ELMO1: variants seen among roughly 807,000 people sequenced by gnomAD.
The protein encoded by ELMO1 is engulfment and cell motility protein 1.
A neutral mutation model predicts 98.9 loss-of-function variants in ELMO1; 26 were observed. The observed-to-expected ratio is 0.26, with a 90% CI of 0.19 to 0.36. ELMO1 has a LOEUF of 0.36. ELMO1 is among the 10% of genes least tolerant of loss of function. The probability of loss-of-function intolerance (pLI) is 1.00; values close to 1 mark genes in which losing one functional copy is unlikely to be tolerated. For missense variants in ELMO1, 627 were observed against 935.2 expected, an observed-to-expected ratio of 0.67 and a Z score of 4.30; for synonymous variants, 346 against 346.0, an observed-to-expected ratio of 1.00 and a Z score of 0.00.
intron 17 of ELMO1, among the ~76,000 whole-genome samples, chr7:36,890,062 T>C (rs1368443014): frequency 2.6e-5 from 4 of 152,124 alleles, no homozygotes; most frequent in Non-Finnish European, 5.9e-5. Flanking sequence ...CCCTCTGGGG[T>C]AAGCCAGGTA....
rs1802116353 is a variant in ELMO1, at chr7:36,855,326, G to C, written c.*225C>G. 7 of 574,780 alleles carry C rather than the reference G, an allele frequency of 1.2e-5. No individual in the cohort carries two copies. The highest frequency in any genetic ancestry group is 1.2e-4 in the South Asian group (6 of 50,096). The allele number at this position is 574,780 out of a possible 1,614,324, so 35.6% of individuals were successfully genotyped here. A position where few individuals can be genotyped will look rare whatever the true frequency, so the allele number is the denominator to read the frequency against. On this transcript the variant is annotated 3_prime_UTR_variant, in exon 22 of 22. Transcript: ENST00000310758. The surrounding 1 kb of genome is among the most constrained non-coding windows in gnomAD (Gnocchi z 4.2). ...GTCCCACCAGTGGACTGCAGCCATGGGAAGTGACCTGAAGCAGTGGAGCCG... is the reference window on the plus strand; with the variant it reads ...GTCCCACCAGTGGACTGCAGCCATGCGAAGTGACCTGAAGCAGTGGAGCCG...
chr7:37,105,479 T>C (rs890287975), intron 14 of ELMO1, among the ~76,000 whole-genome samples: 1 of 152,186 alleles, frequency 6.6e-6, no homozygotes, highest in Non-Finnish European at 1.5e-5. Flanking sequence ...TTTAAAGCAA[T>C]AGTTCTCTAA....
At chr7:37,290,296 A>G (rs964759965) in intron 4 of ELMO1, among the ~76,000 whole-genome samples, 1 of 152,252 alleles carries the variant, frequency 6.6e-6, no homozygotes, top group African/African-American at 2.4e-5. Context: ...ACATTAGCTG[A>G]TGTAAAAGGA....
intron 13 of ELMO1, among the ~76,000 whole-genome samples, chr7:37,166,742 A>T (rs192579230): frequency 6.6e-6 from 1 of 152,224 alleles, no homozygotes; most frequent in East Asian, 1.9e-4. Flanking sequence ...TTTGATGAGG[A>T]GAGCTTTACT....
intron 1 of ELMO1, among the ~76,000 whole-genome samples, chr7:37,360,515 A>C (rs1801662438): frequency 6.6e-6 from 1 of 152,166 alleles, no homozygotes; most frequent in Non-Finnish European, 1.5e-5. Context: ...CACTTAAAAG[A>C]CAAAACTCTA....
In ELMO1 at chr7:36,988,525, A is replaced by G. The variant is rs561791780; in HGVS notation, c.1437+24774T>C. ...GCAGACTCTAATAGAGGAGGCAAAA[A>G]TATTAAGCATAACTGTGATATGGAG... On this transcript the variant is annotated intron_variant, in intron 16 of 21. Transcript: ENST00000310758. 3.9e-5 allele frequency among the ~76,000 whole-genome samples: 6 copies of G among 152,358 alleles called. No individual in the cohort carries two copies. In the South Asian group the frequency reaches 1.2e-3, roughly 32 times the overall value.
chr7:36,894,427 A>G (rs1805812329), intron 17 of ELMO1, among the ~76,000 whole-genome samples: 1 of 152,216 alleles, frequency 6.6e-6, no homozygotes, highest in Non-Finnish European at 1.5e-5. Flanking sequence ...CCACTCATTT[A>G]GATTCATGCT....
intron 16 of ELMO1, among the ~76,000 whole-genome samples, chr7:37,005,691 T>TC (rs1554389507): frequency 2.2e-5 from 1 of 46,216 alleles, no homozygotes; most frequent in Non-Finnish European, 3.8e-5. Context: ...AGACTCTGTC[T>TC]CAAAAAAAAA....
At chr7:37,108,099 C>T (rs1167297117) in intron 14 of ELMO1, among the ~76,000 whole-genome samples, 1 of 152,128 alleles carries the variant, frequency 6.6e-6, no homozygotes, top group African/African-American at 2.4e-5. Flanking sequence ...GAAATTAGGC[C>T]ATAAGTTGTT....
At chr7:37,234,918 T>C (rs150879525) in intron 7 of ELMO1, among the ~76,000 whole-genome samples, 3 of 152,072 alleles carry the variant, frequency 2.0e-5, no homozygotes, top group Admixed American at 2.0e-4. Flanking sequence ...AACTAGAAAA[T>C]GAAAACAAAA....
At chr7:37,417,684 A>ACACACACACACACAC (rs765287929) in intron 1 of ELMO1, among the ~76,000 whole-genome samples, 1 of 113,386 alleles carries the variant, frequency 8.8e-6, no homozygotes, top group Non-Finnish European at 2.1e-5. Context: ...ACACACACAC[A>ACACACACACACACAC]AGCAAAAATT....
chr7:37,023,880 T>C (rs1316540799), intron 15 of ELMO1, among the ~76,000 whole-genome samples: 1 of 152,152 alleles, frequency 6.6e-6, no homozygotes, highest in Admixed American at 6.5e-5. Context: ...CACCGGCCTA[T>C]GAATGCATTT....
At chr7:37,316,047 TC>T in intron 2 of ELMO1, 87 bp from the exon 3 acceptor site, 1 of 1,081,998 alleles carries the variant, frequency 9.2e-7, no homozygotes. Flanking sequence ...AAAAAGATTA[TC>T]TAAGCAAAGA....
At chr7:37,256,551 AAAGGAAGGAAGG>A (rs71873823) in intron 6 of ELMO1, among the ~76,000 whole-genome samples, 4 of 115,040 alleles carry the variant, frequency 3.5e-5, no homozygotes, top group Admixed American at 9.3e-5. Context: ...AAGAAGGAAG[AAAGGAAGGAAGG>A]AAGGAAGGAA....
At chr7:37,171,600 C>A (rs1292282534) in intron 13 of ELMO1, among the ~76,000 whole-genome samples, 2 of 145,844 alleles carry the variant, frequency 1.4e-5, no homozygotes, top group Non-Finnish European at 3.0e-5. Flanking sequence ...TCATGCCATT[C>A]TCCTGCCTCA....
At chr7:37,240,008 T>A (rs1480703030) in intron 7 of ELMO1, among the ~76,000 whole-genome samples, 1 of 152,026 alleles carries the variant, frequency 6.6e-6, no homozygotes, top group Non-Finnish European at 1.5e-5. Flanking sequence ...ATGGCATTTG[T>A]CTATTTCATC....
chr7:37,414,763 C>T (rs1221295934), intron 1 of ELMO1, among the ~76,000 whole-genome samples: 2 of 152,218 alleles, frequency 1.3e-5, no homozygotes, highest in African/African-American at 2.4e-5. Context: ...CCATCAAAGT[C>T]ATTCTACCTG....
intron 2 of ELMO1, among the ~76,000 whole-genome samples, chr7:37,341,620 T>A (rs1421099546): frequency 1.3e-5 from 2 of 152,212 alleles, no homozygotes; most frequent in Non-Finnish European, 2.9e-5. Flanking sequence ...CTGACCCGTA[T>A]AATTCATTTT....
chr7:37,335,934 G>A (rs1285927792), intron 2 of ELMO1, among the ~76,000 whole-genome samples: 1 of 152,090 alleles, frequency 6.6e-6, no homozygotes, highest in Non-Finnish European at 1.5e-5. Context: ...CATAAAGAAC[G>A]CATCTAGGCA....
Sources: allele counts gnomAD v4.1 joint callset (sites outside exome capture counted in the v4.1 genomes callset), GRCh38; gene constraint gnomAD v4.1.1; non-coding constraint Gnocchi (gnomAD v3.1); transcripts MANE v1.5; gene names NCBI Gene and HGNC (gene_info 2026-07-23, HGNC 2026-07-21).